Variants in DNAH11 observed in about 807,000 individuals in gnomAD.
The protein encoded by DNAH11 is axonemal beta dynein heavy chain 11.
Under a neutral mutation model 526.0 loss-of-function variants are expected in DNAH11, and 442 were observed. The observed-to-expected ratio is 0.84, with a 90% confidence interval of 0.78 to 0.91. DNAH11 has a LOEUF of 0.91. DNAH11 is among the 40% of genes least tolerant of loss of function. The pLI, the probability that DNAH11 is intolerant of heterozygous loss-of-function variation, is 0.00. For missense variants in DNAH11, 6,989 were observed against 5,448.7 expected, an observed-to-expected ratio of 1.28 and a Z score of -8.90; for synonymous variants, 2,461 against 1,935.9, an observed-to-expected ratio of 1.27 and a Z score of -7.12.
At chr7:21,823,867 A>G (rs1790159273) in intron 65 of DNAH11, among the ~76,000 whole-genome samples, 1 of 152,230 alleles carries the variant, frequency 6.6e-6, no homozygotes, top group South Asian at 2.1e-4. Context: ...ACTCCGAGAG[A>G]CAAGGAACAC....
intron 79 of DNAH11, among the ~76,000 whole-genome samples, chr7:21,895,544 C>A (rs970020071): frequency 6.6e-6 from 1 of 152,160 alleles, no homozygotes; most frequent in South Asian, 2.1e-4. Flanking sequence ...GCTGATGTTA[C>A]ACCTAATTGC....
chr7:21,642,539 A>T (rs1787177305), intron 28 of DNAH11, among the ~76,000 whole-genome samples: 1 of 152,142 alleles, frequency 6.6e-6, no homozygotes, highest in African/African-American at 2.4e-5. Context: ...CTTTCCGTCC[A>T]TGCCTTTTGT....
intron 2 of DNAH11, among the ~76,000 whole-genome samples, chr7:21,551,406 T>A (rs1300491467): frequency 6.6e-6 from 1 of 152,238 alleles, no homozygotes; most frequent in Non-Finnish European, 1.5e-5. Flanking sequence ...TAAAACCTGT[T>A]TGACCAGTTC....
At chr7:21,774,651 C>T (rs987504015) in intron 56 of DNAH11, among the ~76,000 whole-genome samples, 32 of 152,036 alleles carry the variant, frequency 2.1e-4, no homozygotes, top group Admixed American at 1.2e-3. Context: ...ATATATGAGG[C>T]GTAAAGAGTT....
At chr7:21,768,569 C>G (rs1251675096) in intron 55 of DNAH11, among the ~76,000 whole-genome samples, 1 of 152,104 alleles carries the variant, frequency 6.6e-6, no homozygotes, top group Non-Finnish European at 1.5e-5. Context: ...AGTTAAAATC[C>G]TCTGTCCTTA....
chr7:21,655,927 C>G lies in DNAH11; in HGVS notation c.5040C>G (p.Tyr1680Ter), dbSNP rs1301163335. Reference sequence around the variant, plus strand: ...CTGCACACAGGGCAGTTGGAATGTACAGCAAAGAAAAGGAGTATGTCCCAT... The same window carrying G: ...CTGCACACAGGGCAGTTGGAATGTAGAGCAAAGAAAAGGAGTATGTCCCAT... ...DVSAHRAVGMYSKEKEYVPFQ... is the reference protein window; with the variant it reads ...DVSAHRAVGM The change falls in exon 29 of 82, where the codon TAC becomes TAG. Residue 1680 changes from tyrosine (Y) to a stop codon, truncating the protein, a stop_gained. Transcript: ENST00000409508. LOFTEE classifies it high-confidence loss of function. 1.9e-6 allele frequency: 3 copies of G among 1,612,778 alleles called. No individual in the cohort carries two copies. In the African/African-American group the frequency reaches 4.0e-5, roughly 22 times the overall value.
At chr7:21,785,789 G>T (rs945441663) in intron 58 of DNAH11, among the ~76,000 whole-genome samples, 1 of 152,138 alleles carries the variant, frequency 6.6e-6, no homozygotes, top group African/African-American at 2.4e-5. Context: ...CTTTCACTCT[G>T]TTTCCATTCT....
chr7:21,696,051 T>G (rs1044071002), intron 35 of DNAH11, among the ~76,000 whole-genome samples: 1 of 152,204 alleles, frequency 6.6e-6, no homozygotes, highest in Non-Finnish European at 1.5e-5. Flanking sequence ...CCTATTTCCT[T>G]GATGATAAGC....
At chr7:21,876,377 GCTGACCTGT>G (rs1294960383) in intron 74 of DNAH11, among the ~76,000 whole-genome samples, 1 of 152,206 alleles carries the variant, frequency 6.6e-6, no homozygotes, top group Non-Finnish European at 1.5e-5. Context: ...TTTTATGAAT[GCTGACCTGT>G]CATTATGTTA....
rs563063616 is a variant in DNAH11, at chr7:21,551,656, C to T, written c.495+6507C>T. Among the ~76,000 whole-genome samples, 8 of 152,290 alleles carry T rather than the reference C, an allele frequency of 5.3e-5. No homozygotes were observed. In the South Asian group the frequency reaches 1.7e-3, roughly 32 times the overall value. ...TTATTCCCATAAATGACAGCATGGC[C>T]ATTATGTCTCTTGCCATCTATCACA... is the stretch of plus-strand genomic sequence containing the variant. On this transcript the variant is annotated intron_variant, in intron 2 of 81. Coordinates refer to ENST00000409508, the MANE Select transcript of DNAH11 (RefSeq NM_001277115.2).
At chr7:21,866,011 C>T (rs1783259115) in intron 70 of DNAH11, among the ~76,000 whole-genome samples, 1 of 152,108 alleles carries the variant, frequency 6.6e-6, no homozygotes, top group South Asian at 2.1e-4. Context: ...TGGGTTTTAG[C>T]CAACTTCCTT....
At position 21,570,102 on chromosome 7, in the gene DNAH11, A is replaced by G; in HGVS notation, c.1228A>G (p.Arg410Gly). 6.2e-7 allele frequency: 1 copy of G among 1,611,596 alleles called. No individual in the cohort carries two copies. Among genetic ancestry groups the G allele is most frequent in the Non-Finnish European group, 8.5e-7 (1 of 1,178,850 alleles). Residue 410 changes from arginine to glycine, a missense_variant, in exon 7 of 82, where the codon AGG becomes GGG. Transcript: ENST00000409508. ...TTACCTTTCACCTGAGGACCTTTTGAGGGGAGAAATAGAAGAGTCACTGGA... is the reference window on the plus strand; with the variant it reads ...TTACCTTTCACCTGAGGACCTTTTGGGGGGAGAAATAGAAGAGTCACTGGA... ...TAYLSPEDLL[R>G]GEIEESLEKV... is the part of the protein sequence containing the mutation.
intron 36 of DNAH11, 64 bp from the exon 37 acceptor site, chr7:21,702,646 C>G (rs376086342): frequency 1.7e-5 from 24 of 1,414,978 alleles, no homozygotes; most frequent in East Asian, 9.3e-5. Flanking sequence ...CAGCTCTTAC[C>G]TCTGGAATGA....
At chr7:21,885,888 T>A (rs1219779154) in intron 76 of DNAH11, among the ~76,000 whole-genome samples, 1 of 152,194 alleles carries the variant, frequency 6.6e-6, no homozygotes, top group African/African-American at 2.4e-5. Flanking sequence ...CCTGTGTCTG[T>A]GTAGAAATGG....
chr7:21,628,100 G>T (rs1396896122), intron 25 of DNAH11, among the ~76,000 whole-genome samples: 1 of 151,668 alleles, frequency 6.6e-6, no homozygotes, highest in Non-Finnish European at 1.5e-5. Context: ...TTTTCTGTTG[G>T]TACATATAAA....
At chr7:21,776,273 T>G (rs1787668818) in intron 56 of DNAH11, among the ~76,000 whole-genome samples, 1 of 152,224 alleles carries the variant, frequency 6.6e-6, no homozygotes, top group South Asian at 2.1e-4. Context: ...TGACGGTGAT[T>G]TCTTTTCATT....
chr7:21,793,476 C>T (rs1420511129), intron 61 of DNAH11, among the ~76,000 whole-genome samples: 1 of 152,114 alleles, frequency 6.6e-6, no homozygotes, highest in Non-Finnish European at 1.5e-5. Flanking sequence ...ATTAGCTGGG[C>T]GTGGTGGCAC....
intron 79 of DNAH11, among the ~76,000 whole-genome samples, chr7:21,896,678 T>C (rs1784525742): frequency 6.6e-6 from 1 of 152,198 alleles, no homozygotes; most frequent in South Asian, 2.1e-4. Context: ...ACGTTTTCAG[T>C]GTGTCTTTCG....
At chr7:21,883,247 G>T (rs1353878278) in intron 75 of DNAH11, among the ~76,000 whole-genome samples, 10 of 152,224 alleles carry the variant, frequency 6.6e-5, no homozygotes, top group Non-Finnish European at 1.3e-4. Context: ...TACTTAAACT[G>T]TTGGGAGGCA....
Sources: gnomAD v4.1 joint callset for allele counts (sites outside exome capture counted in the v4.1 genomes callset) on GRCh38, gnomAD v4.1.1 for gene constraint, MANE v1.5 for transcripts, NCBI Gene and HGNC (gene_info 2026-07-23, HGNC 2026-07-21) for gene names.